The following KLF3 variants were observed in gnomAD, a reference collection of about 807,000 sequenced individuals.
The protein encoded by KLF3 is KLF transcription factor 3.
A neutral mutation model predicts 32.7 loss-of-function variants in KLF3; 6 were observed. The observed-to-expected ratio is 0.18, with a 90% CI of 0.10 to 0.36. KLF3 has a LOEUF of 0.36. KLF3 is among the 10% of genes least tolerant of loss of function. The probability of loss-of-function intolerance (pLI) is 1.00; values close to 1 mark genes in which losing one functional copy is unlikely to be tolerated. For synonymous variants in KLF3, 145 were observed against 172.8 expected (o/e 0.84, Z 1.26); for missense variants, 338 against 449.7 (o/e 0.75, Z 2.25).
Position 38,697,284 on chromosome 4 carries a change from A to G in KLF3, c.*21A>G. 6.3e-7 allele frequency: 1 copy of G among 1,576,082 alleles called. No homozygotes were observed. Among genetic ancestry groups the G allele is most frequent in the Non-Finnish European group, 8.6e-7 (1 of 1,156,992 alleles). ...TCTGATTGCCTCTGTGTCCTGCCTC[A>G]GCGTGACTCCCCACTCACCTGGCTC... On this transcript the variant is annotated 3_prime_UTR_variant, in exon 6 of 6. Coordinates refer to ENST00000261438, the MANE Select transcript of KLF3 (RefSeq NM_016531.6).
At chr4:38,696,186 GAAAAAAAAAAAA>G in intron 5 of KLF3, among the ~76,000 whole-genome samples, 1 of 99,258 alleles carries the variant, frequency 1.0e-5, no homozygotes, top group African/African-American at 3.9e-5. Context: ...TTAGATGTAG[GAAAAAAAAAAAA>G]AAAAAAAAAA....
At chr4:38,673,515 G>A (rs1722259267) in intron 1 of KLF3, among the ~76,000 whole-genome samples, 1 of 152,228 alleles carries the variant, frequency 6.6e-6, no homozygotes, top group Non-Finnish European at 1.5e-5. Flanking sequence ...ATCTTGGGTT[G>A]CCTGCCCTTA....
At chr4:38,689,112 C>T (rs781269851) in intron 3 of KLF3, 41 bp downstream of exon 3, 38 of 1,599,660 alleles carry the variant, frequency 2.4e-5, no homozygotes, top group Non-Finnish European at 2.9e-5. Flanking sequence ...ACTTGCTTAG[C>T]GTACTGGCGC....
At chr4:38,690,056 A>C in intron 4 of KLF3, 177 bp downstream of exon 4, 2 of 518,512 alleles carry the variant, frequency 3.9e-6, no homozygotes, top group East Asian at 3.2e-5. Flanking sequence ...TCCAAAAACA[A>C]TATGCTGTTA....
At chr4:38,667,964 A>G (rs1722092613) in intron 1 of KLF3, among the ~76,000 whole-genome samples, 1 of 151,794 alleles carries the variant, frequency 6.6e-6, no homozygotes, top group South Asian at 2.1e-4. Context: ...AAATATCAGG[A>G]TAATGTTTTA....
chr4:38,677,507 G>T (rs1200111152), intron 1 of KLF3, among the ~76,000 whole-genome samples: 1 of 152,176 alleles, frequency 6.6e-6, no homozygotes, highest in Non-Finnish European at 1.5e-5. Flanking sequence ...GAACGAAAAG[G>T]AACTCCAGAG....
In KLF3 at chr4:38,688,119, C is replaced by T. The variant is rs544470340; in HGVS notation, c.58-466C>T. Among the ~76,000 whole-genome samples the T allele has an allele frequency of 4.2e-4, 64 of 152,268 alleles. No individual in the cohort carries two copies. Among genetic ancestry groups the T allele is most frequent in the African/African-American group, 1.5e-3 (64 of 41,528 alleles). ...TTATCCTGAGAAAGAGCTGTCCTGC[C>T]GAAGTTAGACATCAAAGCTAGAGAG... On this transcript the variant is annotated intron_variant, in intron 2 of 5. Coordinates refer to ENST00000261438, the MANE Select transcript of KLF3 (RefSeq NM_016531.6). This position sits in a 1 kb window ranked among gnomAD's most constrained non-coding sequence, Gnocchi z 4.9.
At chr4:38,682,864 A>G (rs1722572115) in intron 2 of KLF3, among the ~76,000 whole-genome samples, 1 of 152,226 alleles carries the variant, frequency 6.6e-6, no homozygotes, top group Non-Finnish European at 1.5e-5. Flanking sequence ...CACTTTTAGA[A>G]TTTAGTTTCA....
intron 2 of KLF3, among the ~76,000 whole-genome samples, chr4:38,685,794 A>G (rs1277845755): frequency 6.6e-6 from 1 of 152,218 alleles, no homozygotes; most frequent in Non-Finnish European, 1.5e-5. Flanking sequence ...CCTTTGGAGA[A>G]TTATATAAAG....
In KLF3 at chr4:38,664,235, G is replaced by T. The variant is rs1225334786; in HGVS notation, c.-266G>T. 6.6e-6 allele frequency: 1 copy of T among 152,068 alleles called. No individual in the cohort carries two copies. Among genetic ancestry groups the T allele is most frequent in the African/African-American group, 2.4e-5 (1 of 41,408 alleles). 9.4% of individuals were successfully genotyped at this position (152,068 alleles called of 1,614,324 possible). ...CGCCGGCGTCATGTGACTGCCCGGA[G>T]TTGGTGCCAGGAGCCAGAGGGGAGC... On this transcript the variant is annotated 5_prime_UTR_variant, in exon 1 of 6. Transcript: ENST00000261438.
At position 38,680,698 on chromosome 4, in the gene KLF3, T is replaced by C. The variant is rs766702022; in HGVS notation, c.57+16T>C. 44 of 1,592,180 alleles carry C rather than the reference T, an allele frequency of 2.8e-5. No homozygotes were observed. Among genetic ancestry groups the C allele is most frequent in the Non-Finnish European group, 3.7e-5 (43 of 1,160,130 alleles). On this transcript the variant is annotated intron_variant, in intron 2 of 5. Coordinates refer to ENST00000261438, the MANE Select transcript of KLF3 (RefSeq NM_016531.6). ...TGTCTCAGTGGTAAGTTTTCCAAGA[T>C]TGAACACCTCGCCTTATTTTTTCCA... is the stretch of plus-strand genomic sequence containing the variant.
chr4:38,693,337 A>G (rs1210711723), intron 4 of KLF3, among the ~76,000 whole-genome samples: 1 of 149,158 alleles, frequency 6.7e-6, no homozygotes, highest in African/African-American at 2.5e-5. Context: ...CAGTAAATAA[A>G]TAATGTTTTT....
intron 2 of KLF3, among the ~76,000 whole-genome samples, chr4:38,683,686 G>A (rs1722603758): frequency 6.6e-6 from 1 of 151,180 alleles, no homozygotes; most frequent in Non-Finnish European, 1.5e-5. Flanking sequence ...AATTCAGGAA[G>A]TGAGCAAGGA....
At chr4:38,668,567 A>C (rs989006107) in intron 1 of KLF3, among the ~76,000 whole-genome samples, 1 of 152,206 alleles carries the variant, frequency 6.6e-6, no homozygotes, top group African/African-American at 2.4e-5. Flanking sequence ...AAAAGCTGGG[A>C]GTTTTAGAAG....
intron 5 of KLF3, 92 bp downstream of exon 5, chr4:38,694,998 T>G (rs1415430737): frequency 1.0e-5 from 13 of 1,249,684 alleles, no homozygotes; most frequent in Non-Finnish European, 1.3e-5. Flanking sequence ...TTCAGGCATC[T>G]TGAAAGTCAC....
rs1489906250 is a variant in KLF3, at chr4:38,698,339, CTTATCAAA to C, written c.*1080_*1087del. 6.6e-6 allele frequency: 1 copy of C among 152,548 alleles called. No individual in the cohort carries two copies. The highest frequency in any genetic ancestry group is 1.5e-5 in the Non-Finnish European group (1 of 68,024). The allele number at this position is 152,548 out of a possible 1,614,324, so 9.4% of individuals were successfully genotyped here. On this transcript the variant is annotated 3_prime_UTR_variant, in exon 6 of 6. Transcript: ENST00000261438. ...AAATGTTGAGTGGTACTTGTATTCCCTTATCAAATTAATCACATAGCTTTTATACAGAA... is the reference window on the plus strand; with the variant it reads ...AAATGTTGAGTGGTACTTGTATTCCCTTAATCACATAGCTTTTATACAGAA...
At chr4:38,695,052 A>T (rs1723008267) in intron 5 of KLF3, 146 bp downstream of exon 5, 1 of 709,846 alleles carries the variant, frequency 1.4e-6, no homozygotes, top group Admixed American at 3.6e-5. Context: ...AGTTGTGCAG[A>T]ATGAAGATAT....
intron 1 of KLF3, among the ~76,000 whole-genome samples, chr4:38,665,784 C>T (rs965666559): frequency 1.3e-5 from 2 of 152,200 alleles, no homozygotes; most frequent in Non-Finnish European, 2.9e-5. Context: ...TTCCACACAG[C>T]AGTTTTGTGC....
Position 38,697,545 on chromosome 4 carries a change from A to G in KLF3, c.*282A>G. ...TCTTACAGATACGTTTAATGTAATA[A>G]GAACAAGGGAACATGTAAACTAACA... On this transcript the variant is annotated 3_prime_UTR_variant, in exon 6 of 6. Coordinates refer to ENST00000261438, the MANE Select transcript of KLF3 (RefSeq NM_016531.6). 1 of 318,360 alleles carries G rather than the reference A, an allele frequency of 3.1e-6. No individual in the cohort carries two copies. Among genetic ancestry groups the G allele is most frequent in the Non-Finnish European group, 5.8e-6 (1 of 173,450 alleles). The allele number at this position is 318,360 out of a possible 1,614,324, so 19.7% of individuals were successfully genotyped here.
Sources: gnomAD v4.1 joint callset for allele counts (sites outside exome capture counted in the v4.1 genomes callset) on GRCh38, gnomAD v4.1.1 for gene constraint, Gnocchi (gnomAD v3.1) non-coding constraint, MANE v1.5 for transcripts, NCBI Gene and HGNC (gene_info 2026-07-23, HGNC 2026-07-21) for gene names.